The following ATRNL1 variants were observed in gnomAD, a reference collection of about 807,000 sequenced individuals.
ATRNL1 encodes attractin like 1.
Under a neutral mutation model 182.7 loss-of-function variants are expected in ATRNL1, and 95 were observed. That is an observed-to-expected ratio of 0.52 (90% CI 0.44 to 0.62). The LOEUF is 0.62. ATRNL1 is among the 20% of genes least tolerant of loss of function. The pLI is 0.00. For missense variants in ATRNL1, 1,471 were observed against 1,679.5 expected (o/e 0.88, Z 2.17); for synonymous variants, 576 against 568.3 (o/e 1.01, Z -0.19).
intron 17 of ATRNL1, among the ~76,000 whole-genome samples, chr10:115,302,899 G>A (rs1853547189): frequency 6.6e-6 from 1 of 152,136 alleles, no homozygotes. Flanking sequence ...CTTCATAGCA[G>A]AGAATATGGT....
intron 10 of ATRNL1, among the ~76,000 whole-genome samples, chr10:115,246,495 C>G (rs1169609264): frequency 6.6e-6 from 1 of 151,886 alleles, no homozygotes; most frequent in Non-Finnish European, 1.5e-5. Context: ...AAATAGTGAC[C>G]TCAAGATAGA....
chr10:115,571,490 A>C (rs1854392165), intron 26 of ATRNL1, among the ~76,000 whole-genome samples: 1 of 152,074 alleles, frequency 6.6e-6, no homozygotes, highest in South Asian at 2.1e-4. Flanking sequence ...GCTTTCTGTT[A>C]GCTTCTGTTG....
chr10:115,679,280 T>C (rs1555043919), intron 26 of ATRNL1, among the ~76,000 whole-genome samples: 2 of 152,106 alleles, frequency 1.3e-5, no homozygotes, highest in African/African-American at 2.4e-5. Context: ...TTTTAAGTCT[T>C]GAACAGTACT....
At chr10:115,529,864 C>CATGT (rs1851460601) in intron 25 of ATRNL1, among the ~76,000 whole-genome samples, 1 of 152,026 alleles carries the variant, frequency 6.6e-6, no homozygotes, top group Non-Finnish European at 1.5e-5. Context: ...CAAAAGAAGC[C>CATGT]ATGTACTCAT....
intron 1 of ATRNL1, among the ~76,000 whole-genome samples, chr10:115,095,572 C>G (rs528263991): frequency 6.6e-6 from 1 of 151,750 alleles, no homozygotes; most frequent in African/African-American, 2.4e-5. Flanking sequence ...AGGGTTTATA[C>G]TTTAAAGGTA....
In ATRNL1 at chr10:115,948,152, A is replaced by C. The variant is rs1953917343; in HGVS notation, c.*3373A>C. The stretch of plus-strand genomic sequence containing the variant: ...TTTCTACAAAACGACTTTGACATTT[A>C]GTCAATAAAGACTTAAACTCTTCTT... On this transcript the variant is annotated 3_prime_UTR_variant, in exon 29 of 29. Coordinates refer to ENST00000355044, the MANE Select transcript of ATRNL1 (RefSeq NM_207303.4). 6.6e-6 allele frequency: 1 copy of C among 152,236 alleles called. No homozygotes were observed. The allele number at this position is 152,236 out of a possible 1,614,324, so 9.4% of individuals were successfully genotyped here.
chr10:115,335,954 T>C (rs1240142925), intron 19 of ATRNL1, among the ~76,000 whole-genome samples: 1 of 152,118 alleles, frequency 6.6e-6, no homozygotes, highest in Non-Finnish European at 1.5e-5. Flanking sequence ...TGAATGGAAG[T>C]TTTGTGTTAT....
intron 27 of ATRNL1, among the ~76,000 whole-genome samples, chr10:115,760,790 C>A (rs1452040484): frequency 5.9e-5 from 9 of 152,136 alleles, no homozygotes; most frequent in African/African-American, 1.9e-4. Context: ...GTAAGTAATA[C>A]CAGCAGAGCA....
At chr10:115,350,336 A>AAAAAAAAC (rs1564941324) in intron 19 of ATRNL1, among the ~76,000 whole-genome samples, 2 of 80,070 alleles carry the variant, frequency 2.5e-5, no homozygotes, top group Non-Finnish European at 5.8e-5. Context: ...CTCTGTCTCA[A>AAAAAAAAC]AAAAAAAAAG....
intron 5 of ATRNL1, among the ~76,000 whole-genome samples, chr10:115,130,833 T>G (rs1845199431): frequency 6.6e-6 from 1 of 152,146 alleles, no homozygotes; most frequent in Non-Finnish European, 1.5e-5. Flanking sequence ...ATACACAGTA[T>G]TTTTCAAACT....
chr10:115,582,912 T>G (rs1226116387), intron 26 of ATRNL1, among the ~76,000 whole-genome samples: 70 of 150,134 alleles, frequency 4.7e-4, no homozygotes, highest in African/African-American at 1.6e-3. Flanking sequence ...CATCTTGAAT[T>G]GATTTTTGTA....
intron 8 of ATRNL1, among the ~76,000 whole-genome samples, chr10:115,206,430 C>T (rs1054548604): frequency 1.3e-5 from 2 of 151,938 alleles, no homozygotes; most frequent in Non-Finnish European, 2.9e-5. Context: ...TCACATTCTA[C>T]CTTTAATTAT....
At chr10:115,336,681 T>C (rs1855493632) in intron 19 of ATRNL1, among the ~76,000 whole-genome samples, 1 of 152,224 alleles carries the variant, frequency 6.6e-6, no homozygotes, top group Non-Finnish European at 1.5e-5. Flanking sequence ...CATATTTTCA[T>C]GCCCATATGT....
chr10:115,095,777 G>A (rs1268062106), intron 1 of ATRNL1, among the ~76,000 whole-genome samples: 2 of 151,980 alleles, frequency 1.3e-5, no homozygotes, highest in African/African-American at 4.8e-5. Context: ...AGAGAATTTT[G>A]AACATGTAAA....
chr10:115,657,105 A>AT (rs1860379301), intron 26 of ATRNL1, among the ~76,000 whole-genome samples: 1 of 152,178 alleles, frequency 6.6e-6, no homozygotes, highest in Non-Finnish European at 1.5e-5. Flanking sequence ...GGACATATCA[A>AT]TAATGTTAGG....
chr10:115,331,626 T>C (rs1855226951), intron 18 of ATRNL1, among the ~76,000 whole-genome samples: 1 of 152,202 alleles, frequency 6.6e-6, no homozygotes, highest in South Asian at 2.1e-4. Flanking sequence ...TAATCTTATA[T>C]CTTCTTTACA....
intron 26 of ATRNL1, among the ~76,000 whole-genome samples, chr10:115,703,481 A>T (rs1946802605): frequency 6.6e-6 from 1 of 151,850 alleles, no homozygotes; most frequent in African/African-American, 2.4e-5. Context: ...AAAGTACCAA[A>T]ACTACTTATG....
intron 24 of ATRNL1, among the ~76,000 whole-genome samples, chr10:115,513,353 C>T (rs1271060344): frequency 6.6e-6 from 1 of 152,016 alleles, no homozygotes; most frequent in Non-Finnish European, 1.5e-5. Flanking sequence ...GTCCCACCCA[C>T]GTGAGTAGTA....
chr10:115,490,880 T>C (rs1554976424), intron 24 of ATRNL1, among the ~76,000 whole-genome samples: 1 of 152,194 alleles, frequency 6.6e-6, no homozygotes, highest in East Asian at 1.9e-4. Flanking sequence ...CTACCTTTGG[T>C]CTTTGACGTT....
Sources: gnomAD v4.1 joint callset for allele counts (sites outside exome capture counted in the v4.1 genomes callset) on GRCh38, gnomAD v4.1.1 for gene constraint, MANE v1.5 for transcripts, NCBI Gene and HGNC (gene_info 2026-07-23, HGNC 2026-07-21) for gene names.